The following SDK1 variants were observed in gnomAD, a reference collection of about 807,000 sequenced individuals.
The protein encoded by SDK1 is protein sidekick-1.
SDK1 carries 157 observed loss-of-function variants against 245.5 expected under a neutral mutation model. The ratio of observed to expected loss-of-function variants is 0.64; its 90% confidence interval spans 0.56 to 0.73. The LOEUF is 0.73. Ranked by LOEUF, SDK1 falls within the 30% of genes least tolerant of loss-of-function variation. The pLI, the probability that SDK1 is intolerant of heterozygous loss-of-function variation, is 0.00. For synonymous variants in SDK1, 1,647 were observed against 1,278.5 expected, an observed-to-expected ratio of 1.29 and a Z score of -6.15; for missense variants, 3,583 against 3,002.3, an observed-to-expected ratio of 1.19 and a Z score of -4.52.
At chr7:3,639,824 T>G (rs939270471) in intron 3 of SDK1, among the ~76,000 whole-genome samples, 8 of 151,430 alleles carry the variant, frequency 5.3e-5, no homozygotes, top group African/African-American at 1.9e-4. Flanking sequence ...ACATATATAA[T>G]TATATGTCAT....
chr7:4,075,559 C>G (rs34176245), intron 20 of SDK1, among the ~76,000 whole-genome samples: 48,712 of 151,892 alleles, frequency 0.32, 8,204 homozygotes, highest in Middle Eastern at 0.41. Context: ...CCACCACTGT[C>G]TCCCTCTTTA....
At chr7:3,693,557 A>G (rs927809724) in intron 4 of SDK1, among the ~76,000 whole-genome samples, 3 of 151,926 alleles carry the variant, frequency 2.0e-5, no homozygotes, top group African/African-American at 7.3e-5. Context: ...GACCTTTGAT[A>G]TGTTTTTTTC....
chr7:3,730,354 G>C (rs1321782405), intron 4 of SDK1, among the ~76,000 whole-genome samples: 1 of 152,228 alleles, frequency 6.6e-6, no homozygotes, highest in Admixed American at 6.5e-5. Flanking sequence ...CTTCAGCCCT[G>C]GTGAGAGTAG....
Position 3,533,632 on chromosome 7 carries a change from GT to G in SDK1, c.299-85441del, listed in dbSNP as rs532398432. Reference sequence around the variant, plus strand: ...AATTTAGAAATTCATGTTCTGAGAAGTTTTTTTGGTATTATTTCTTTGATAA... The same window carrying G: ...AATTTAGAAATTCATGTTCTGAGAAGTTTTTTGGTATTATTTCTTTGATAA... On this transcript the variant is annotated intron_variant, in intron 1 of 44. Transcript: ENST00000404826. Among the ~76,000 whole-genome samples the G allele has an allele frequency of 2.6e-5, 4 of 152,192 alleles. No individual in the cohort carries two copies. The East Asian group carries it at 5.8e-4, about 22-fold the overall frequency.
At chr7:4,244,252 C>A (rs1467958622) in intron 43 of SDK1, among the ~76,000 whole-genome samples, 2 of 152,200 alleles carry the variant, frequency 1.3e-5, no homozygotes, top group South Asian at 4.1e-4. Flanking sequence ...GACACTTCCT[C>A]TGTAGCTGCC....
At position 3,878,603 on chromosome 7, in the gene SDK1, C is replaced by A. The variant is rs1023479756; in HGVS notation, c.847+57020C>A. 3.9e-5 allele frequency among the ~76,000 whole-genome samples: 6 copies of A among 152,300 alleles called. No homozygotes were observed. In the East Asian group the frequency reaches 1.2e-3, roughly 29 times the overall value. On this transcript the variant is annotated intron_variant, in intron 5 of 44. Coordinates refer to ENST00000404826, the MANE Select transcript of SDK1 (RefSeq NM_152744.4). ...TCTCTTGTCATGACAACTATTAACA[C>A]TGTATTTATCGGAATTGGTGAAATC...
intron 1 of SDK1, among the ~76,000 whole-genome samples, chr7:3,567,839 T>G (rs1455906032): frequency 1.3e-5 from 2 of 152,210 alleles, no homozygotes; most frequent in African/African-American, 4.8e-5. Context: ...TAAGGCAGGG[T>G]CTTGCCCTGT....
chr7:3,843,774 T>TC (rs1214823690), intron 5 of SDK1, among the ~76,000 whole-genome samples: 2 of 152,174 alleles, frequency 1.3e-5, no homozygotes, highest in Admixed American at 1.3e-4. Context: ...GCCTCAGTTT[T>TC]CCCATCTGTG....
intron 4 of SDK1, among the ~76,000 whole-genome samples, chr7:3,703,579 A>G (rs1194130555): frequency 6.6e-6 from 1 of 152,176 alleles, no homozygotes; most frequent in Non-Finnish European, 1.5e-5. Flanking sequence ...TGACAGAGCT[A>G]TACTCACACA....
intron 44 of SDK1, among the ~76,000 whole-genome samples, chr7:4,248,667 TAC>T (rs1251928425): frequency 6.6e-6 from 1 of 151,520 alleles, no homozygotes; most frequent in Non-Finnish European, 1.5e-5. Flanking sequence ...TACAAATAAC[TAC>T]ACACCTGAAT....
intron 4 of SDK1, among the ~76,000 whole-genome samples, chr7:3,798,000 A>G (rs1779006245): frequency 6.6e-6 from 1 of 152,096 alleles, no homozygotes; most frequent in Non-Finnish European, 1.5e-5. Flanking sequence ...GATTTCTGTA[A>G]TGTTAACATC....
chr7:3,687,748 A>G (rs1037122695), intron 4 of SDK1, among the ~76,000 whole-genome samples: 14 of 152,160 alleles, frequency 9.2e-5, no homozygotes, highest in African/African-American at 1.4e-4. Flanking sequence ...GCTGGATGCG[A>G]TCATCAGAAA....
At chr7:3,944,289 A>C (rs980540465) in intron 5 of SDK1, among the ~76,000 whole-genome samples, 3 of 152,246 alleles carry the variant, frequency 2.0e-5, no homozygotes, top group Non-Finnish European at 4.4e-5. Flanking sequence ...GGTTGTCACT[A>C]TATTAAATGG....
chr7:3,349,290 G>C (rs995493587), intron 1 of SDK1, among the ~76,000 whole-genome samples: 5 of 152,138 alleles, frequency 3.3e-5, no homozygotes, highest in Non-Finnish European at 7.4e-5. Context: ...GGGAAGAGCA[G>C]GGTCTCACCC....
intron 14 of SDK1, among the ~76,000 whole-genome samples, chr7:3,990,870 G>C (rs905749840): frequency 6.6e-5 from 10 of 152,228 alleles, no homozygotes; most frequent in Non-Finnish European, 1.3e-4. Context: ...CTTCTCAGCT[G>C]ATGGCATGAC....
At chr7:3,672,794 T>TATATATATATATAA (rs1468918926) in intron 4 of SDK1, among the ~76,000 whole-genome samples, 9 of 65,558 alleles carry the variant, frequency 1.4e-4, no homozygotes, top group Non-Finnish European at 2.9e-4. Context: ...TATATATATA[T>TATATATATATATAA]AAAAAATACA....
intron 44 of SDK1, among the ~76,000 whole-genome samples, chr7:4,260,855 TTCA>T (rs1342458382): frequency 1.3e-5 from 2 of 151,862 alleles, no homozygotes; most frequent in Non-Finnish European, 2.9e-5. Context: ...GGAGGATGTG[TTCA>T]TCGTCACCTG....
At chr7:4,199,194 T>C (rs1783751117) in intron 35 of SDK1, among the ~76,000 whole-genome samples, 1 of 152,174 alleles carries the variant, frequency 6.6e-6, no homozygotes, top group Admixed American at 6.5e-5. Context: ...ATGCAGTTAA[T>C]GAGTTAGGGG....
intron 4 of SDK1, among the ~76,000 whole-genome samples, chr7:3,783,313 A>T (rs77028704): frequency 9.5e-4 from 145 of 152,304 alleles, no homozygotes; most frequent in African/African-American, 3.5e-3. Flanking sequence ...AAACATGCCT[A>T]TTCTTGCCAC....
Sources: allele counts gnomAD v4.1 joint callset (sites outside exome capture counted in the v4.1 genomes callset), GRCh38; gene constraint gnomAD v4.1.1; transcripts MANE v1.5; gene names NCBI Gene and HGNC (gene_info 2026-07-23, HGNC 2026-07-21).